ARHGAP23: variants seen among roughly 807,000 people sequenced by gnomAD.
The protein encoded by ARHGAP23 is Rho GTPase activating protein 23.
ARHGAP23 carries 34 observed loss-of-function variants against 136.3 expected under a neutral mutation model. That is an observed-to-expected ratio of 0.25 (90% CI 0.19 to 0.33). The LOEUF is 0.33. Among genes scored for constraint, ARHGAP23 ranks in the 10% least tolerant of loss-of-function variants. The probability of loss-of-function intolerance (pLI) is 1.00; values close to 1 mark genes in which losing one functional copy is unlikely to be tolerated. For missense variants in ARHGAP23, 1,808 were observed against 2,139.0 expected (o/e 0.85, Z 3.05); for synonymous variants, 832 against 920.5 (o/e 0.90, Z 1.74).
At chr17:38,433,625 A>G (rs1310186464) in intron 1 of ARHGAP23, among the ~76,000 whole-genome samples, 1 of 152,188 alleles carries the variant, frequency 6.6e-6, no homozygotes, top group East Asian at 1.9e-4. Flanking sequence ...ATGATAGGAA[A>G]TTAGAGGAGC....
chr17:38,473,693 C>T (rs1333878738), intron 11 of ARHGAP23, among the ~76,000 whole-genome samples: 21 of 128,470 alleles, frequency 1.6e-4, no homozygotes, highest in Non-Finnish European at 2.0e-4. Flanking sequence ...GGCGGGTGGG[C>T]GTGGGTAGGG....
chr17:38,499,854 G>A (rs2040483370), intron 22 of ARHGAP23, among the ~76,000 whole-genome samples: 1 of 152,044 alleles, frequency 6.6e-6, no homozygotes, highest in African/African-American at 2.4e-5. Context: ...TAGCCTTGGA[G>A]GGGACCCACC....
intron 22 of ARHGAP23, chr17:38,499,076 AC>A: frequency 1.5e-6 from 1 of 661,250 alleles, no homozygotes; most frequent in Admixed American, 2.2e-5. Flanking sequence ...CATGCCAGTT[AC>A]CCCTGCCTGT....
rs144543992 is a variant in ARHGAP23, at chr17:38,461,771, G to A, written c.253+839G>A. 3.6e-3 allele frequency among the ~76,000 whole-genome samples: 545 copies of A among 152,214 alleles called. 4 individuals carry two copies. Among genetic ancestry groups the A allele is most frequent in the Non-Finnish European group, 6.1e-3 (413 of 68,018 alleles). ...GTATTAGGTGTCTTGCTGGGTCTGC[G>A]GGAGTGGGCATCCCTGTGAGGAGGG... On this transcript the variant is annotated intron_variant, in intron 3 of 23. Coordinates refer to ENST00000622683, the MANE Select transcript of ARHGAP23 (RefSeq NM_001199417.2).
intron 7 of ARHGAP23, among the ~76,000 whole-genome samples, chr17:38,467,636 C>T (rs1437400516): frequency 6.6e-6 from 1 of 151,294 alleles, no homozygotes; most frequent in Non-Finnish European, 1.5e-5. Flanking sequence ...TCTGTTCTTC[C>T]TTCCTTCTTT....
intron 1 of ARHGAP23, among the ~76,000 whole-genome samples, chr17:38,434,010 G>A (rs938281704): frequency 3.3e-5 from 5 of 151,970 alleles, no homozygotes; most frequent in Non-Finnish European, 5.9e-5. Context: ...ACAAGGTTTC[G>A]GCATGTTGGC....
At chr17:38,485,839 G>A (rs138918362) in intron 16 of ARHGAP23, among the ~76,000 whole-genome samples, 285 of 152,362 alleles carry the variant, frequency 1.9e-3, no homozygotes, top group Middle Eastern at 3.4e-3. Flanking sequence ...TGGAGCCCAC[G>A]CACTGGCAGG....
At chr17:38,460,685 A>G (rs2039437990) in intron 2 of ARHGAP23, among the ~76,000 whole-genome samples, 1 of 152,080 alleles carries the variant, frequency 6.6e-6, no homozygotes, top group Non-Finnish European at 1.5e-5. Flanking sequence ...GGGTTCCCTG[A>G]TGGTTAGGGT....
At chr17:38,451,096 T>C in intron 1 of ARHGAP23, 1 of 152,184 alleles carries the variant, frequency 6.6e-6, no homozygotes, top group East Asian at 1.9e-4. Context: ...GCCACCACCC[T>C]CTGGGGCCCA....
intron 23 of ARHGAP23, among the ~76,000 whole-genome samples, chr17:38,507,324 G>C (rs948146637): frequency 1.9e-5 from 2 of 104,862 alleles, no homozygotes; most frequent in Admixed American, 9.3e-5. Context: ...CCTGGTGCAA[G>C]GGTCCCCTGT....
Position 38,479,486 on chromosome 17 carries a change from T to C in ARHGAP23, c.2487T>C (p.Tyr829=). The change falls in exon 13 of 24, where the codon TAT becomes TAC. Residue 829 remains tyrosine, a synonymous_variant. Coordinates refer to ENST00000622683, the MANE Select transcript of ARHGAP23 (RefSeq NM_001199417.2). ...QALISKKLND[Y]RKVSHSSGPK... ...TGATCAGCAAGAAGCTTAACGATTA[T>C]CGCAAAGTGAGGTGAGGCCCAGCCC... 1 of 1,548,114 alleles carries C rather than the reference T, an allele frequency of 6.5e-7. No homozygotes were observed. The highest frequency in any genetic ancestry group is 8.7e-7 in the Non-Finnish European group (1 of 1,145,560).
chr17:38,483,798 A>G (rs1295102390), intron 16 of ARHGAP23, among the ~76,000 whole-genome samples: 1 of 152,082 alleles, frequency 6.6e-6, no homozygotes, highest in East Asian at 1.9e-4. Flanking sequence ...GGGTTTGAGT[A>G]TTGGAGGAAT....
Position 38,485,183 on chromosome 17 carries a change from C to G in ARHGAP23, c.2908-879C>G, listed in dbSNP as rs551395502. On this transcript the variant is annotated intron_variant, in intron 16 of 23. Coordinates refer to ENST00000622683, the MANE Select transcript of ARHGAP23 (RefSeq NM_001199417.2). ...CAATTATTTGTTGTGTGGGGTTGTC[C>G]TGTGCACTGGAGGGAATTTGACATC... Among the ~76,000 whole-genome samples the G allele has an allele frequency of 3.3e-5, 5 of 152,194 alleles. No individual in the cohort carries two copies. The East Asian group carries it at 9.7e-4, about 29-fold the overall frequency.
At chr17:38,440,663 T>C (rs2038900555) in intron 1 of ARHGAP23, among the ~76,000 whole-genome samples, 1 of 152,132 alleles carries the variant, frequency 6.6e-6, no homozygotes, top group Non-Finnish European at 1.5e-5. Flanking sequence ...AGTCCTAGAA[T>C]GAAAGAAAGA....
chr17:38,510,323 A>T lies in ARHGAP23; in HGVS notation c.3827A>T (p.Asp1276Val). The T allele has an allele frequency of 7.9e-7, 1 of 1,261,876 alleles. No individual in the cohort carries two copies. The highest frequency in any genetic ancestry group is 1.0e-6 in the Non-Finnish European group (1 of 1,004,760). 78.2% of individuals were successfully genotyped at this position (1,261,876 alleles called of 1,614,324 possible). ...CGGGCAGGGGCGGGGGATGAGGCGG[A>T]CGACGAGCGTAGCGAGCTGAGCCAC... ...GRRAGAGDEA[D>V]DERSELSHVE... Residue 1276 changes from aspartate (D) to valine (V), a missense_variant, in exon 24 of 24, where the codon GAC becomes GTC. Physicochemically the swap from Asp to Val is radical, Grantham distance 152. Around this residue, in one of 7 missense-constraint regions of ARHGAP23, gnomAD observed 506 missense variants for 455.8 expected, o/e 1.11. Coordinates refer to ENST00000622683, the MANE Select transcript of ARHGAP23 (RefSeq NM_001199417.2). This position sits in a 1 kb window ranked among gnomAD's most constrained non-coding sequence, Gnocchi z 4.6.
intron 1 of ARHGAP23, 167 bp from the exon 2 acceptor site, chr17:38,457,935 T>G: frequency 1.4e-6 from 1 of 704,642 alleles, no homozygotes; most frequent in South Asian, 1.9e-5. Flanking sequence ...GGTGGGAGAG[T>G]AAGGAAGGGG....
chr17:38,491,283 G>A, intron 19 of ARHGAP23, 124 bp from the exon 20 acceptor site: 5 of 1,291,956 alleles, frequency 3.9e-6, no homozygotes, highest in Non-Finnish European at 5.4e-6. Flanking sequence ...CCCATACAAG[G>A]GGGTGTCCAC....
rs1331495678 is a variant in ARHGAP23 at position 38,466,381 on chromosome 17, C to T, written c.698C>T (p.Pro233Leu). The T allele has an allele frequency of 6.5e-7, 1 of 1,536,100 alleles. No individual in the cohort carries two copies. Among genetic ancestry groups the T allele is most frequent in the Non-Finnish European group, 8.8e-7 (1 of 1,142,850 alleles). Residue 233 changes from proline to leucine, a missense_variant, in exon 7 of 24, where the codon CCA becomes CTA. This residue lies in a region of ARHGAP23 where 859 missense variants were observed against 936.4 expected (regional missense o/e 0.92). Transcript: ENST00000622683. The part of the protein sequence containing the change: ...AAWSDPGLRV[P>L]PAARAHLDNS... ...TGGAGTGACCCGGGGCTCCGTGTGCCACCTGCTGCCCGTGCCCACCTGGAC... is the reference window on the plus strand; with the variant it reads ...TGGAGTGACCCGGGGCTCCGTGTGCTACCTGCTGCCCGTGCCCACCTGGAC...
intron 1 of ARHGAP23, among the ~76,000 whole-genome samples, chr17:38,448,090 C>G (rs1032373615): frequency 6.6e-6 from 1 of 152,154 alleles, no homozygotes; most frequent in African/African-American, 2.4e-5. Flanking sequence ...CTTCCCTACT[C>G]CCAGAGGGCC....
Sources: gnomAD v4.1 joint callset for allele counts (sites outside exome capture counted in the v4.1 genomes callset) on GRCh38, gnomAD v4.1.1 for gene constraint, gnomAD v4.1.1 regional missense constraint, Gnocchi (gnomAD v3.1) non-coding constraint, MANE v1.5 for transcripts, NCBI Gene and HGNC (gene_info 2026-07-23, HGNC 2026-07-21) for gene names.